TMEM201: variants seen among roughly 807,000 people sequenced by gnomAD.
The protein encoded by TMEM201 is RP13-15M17.2.
Under a neutral mutation model 63.4 loss-of-function variants are expected in TMEM201, and 26 were observed. That is an observed-to-expected ratio of 0.41 (90% CI 0.30 to 0.57). The LOEUF is 0.57. Among genes scored for constraint, TMEM201 ranks in the 20% least tolerant of loss-of-function variants. TMEM201 has a pLI of 0.29. For synonymous variants in TMEM201, 417 were observed against 421.6 expected (o/e 0.99, Z 0.14); for missense variants, 794 against 917.7 (o/e 0.87, Z 1.74).
At position 9,608,615 on chromosome 1, in the gene TMEM201, T is replaced by C. The variant is rs1489351384; in HGVS notation, c.1393+826T>C. Among the ~76,000 whole-genome samples, 1 of 152,214 alleles carries C rather than the reference T, an allele frequency of 6.6e-6. No homozygotes were observed. The highest frequency in any genetic ancestry group is 1.5e-5 in the Non-Finnish European group (1 of 68,042). On this transcript the variant is annotated intron_variant, in intron 7 of 10. Coordinates refer to ENST00000340381, the MANE Select transcript of TMEM201 (RefSeq NM_001130924.3). The surrounding 1 kb of genome is among the most constrained non-coding windows in gnomAD (Gnocchi z 4.3). ...GGGTGGGAGGTGCCAGGAGCAGCCC[T>C]GCCCTGGGCCTGAGCACTCCGAGTA...
chr1:9,592,239 G>C (rs1038581629), intron 1 of TMEM201, among the ~76,000 whole-genome samples: 4 of 152,198 alleles, frequency 2.6e-5, no homozygotes, highest in African/African-American at 9.7e-5. Context: ...AATGAAACAC[G>C]GTGTTGCCCA....
intron 8 of TMEM201, 85 bp downstream of exon 8, chr1:9,609,996 G>A: frequency 2.3e-6 from 3 of 1,328,396 alleles, no homozygotes; most frequent in Non-Finnish European, 3.2e-6. Flanking sequence ...TGAGCTTTGG[G>A]GTCAGACAGA....
In TMEM201 at chr1:9,596,891, G is replaced by A. The variant is rs1644032227; in HGVS notation, c.267G>A (p.Gln89=). 2 of 1,604,278 alleles carry A rather than the reference G, an allele frequency of 1.2e-6. No homozygotes were observed. Among genetic ancestry groups the A allele is most frequent in the Non-Finnish European group, 1.7e-6 (2 of 1,172,824 alleles). ...NGDYNKPIPA[Q]YLEHLNHVVS... ...ACTACAACAAGCCGATCCCCGCCCAGTACTTGGAGCACCTGAACCACGTGG... is the reference window on the plus strand; with the variant it reads ...ACTACAACAAGCCGATCCCCGCCCAATACTTGGAGCACCTGAACCACGTGG... The change falls in exon 3 of 11, where the codon CAG becomes CAA. Residue 89 remains glutamine, a synonymous_variant. Coordinates refer to ENST00000340381, the MANE Select transcript of TMEM201 (RefSeq NM_001130924.3).
rs527803463 is a variant in TMEM201, at chr1:9,591,586, G to A, written c.113+2543G>A. Among the ~76,000 whole-genome samples the A allele has an allele frequency of 5.3e-5, 8 of 152,360 alleles. 1 individual carries two copies. In the East Asian group the frequency reaches 1.2e-3, roughly 22 times the overall value. On this transcript the variant is annotated intron_variant, in intron 1 of 10. Coordinates refer to ENST00000340381, the MANE Select transcript of TMEM201 (RefSeq NM_001130924.3). The stretch of plus-strand genomic sequence containing the variant: ...CCTCTTCAAACGATGCCCAGGATCC[G>A]TGCTCTGCCAGCACATCCCTGCACA...
At chr1:9,600,852 A>G (rs556144434) in intron 4 of TMEM201, among the ~76,000 whole-genome samples, 1 of 152,298 alleles carries the variant, frequency 6.6e-6, no homozygotes, top group East Asian at 1.9e-4. Flanking sequence ...CCCAGGAGGA[A>G]GAGGTTGCAG....
intron 9 of TMEM201, 145 bp from the exon 10 acceptor site, chr1:9,611,608 C>T (rs1469605863): frequency 4.9e-6 from 5 of 1,014,226 alleles, no homozygotes; most frequent in Non-Finnish European, 1.5e-6. Context: ...ACCTGGCCCC[C>T]CACTGTCCAG....
intron 9 of TMEM201, chr1:9,611,179 C>G (rs1644319027): frequency 1.5e-6 from 1 of 661,552 alleles, no homozygotes; most frequent in Non-Finnish European, 2.2e-6. Context: ...TTTCAACTTT[C>G]ACATGAATTT....
chr1:9,603,722 G>T lies in TMEM201; in HGVS notation c.1160+1450G>T, dbSNP rs1644191418. 1.0e-6 allele frequency: 1 copy of T among 985,436 alleles called. No individual in the cohort carries two copies. The highest frequency in any genetic ancestry group is 1.2e-6 in the Non-Finnish European group (1 of 829,934). 61.0% of individuals were successfully genotyped at this position (985,436 alleles called of 1,614,324 possible). ...GCCACGCCTGGGGGTCCTAGAGGCT[G>T]CCCCACCCCAGTGATTGGGTAGCAG... On this transcript the variant is annotated intron_variant, in intron 6 of 10. Coordinates refer to ENST00000340381, the MANE Select transcript of TMEM201 (RefSeq NM_001130924.3). This position sits in a 1 kb window ranked among gnomAD's most constrained non-coding sequence, Gnocchi z 4.5.
chr1:9,609,061 G>A (rs982928019), intron 7 of TMEM201, among the ~76,000 whole-genome samples: 2 of 152,188 alleles, frequency 1.3e-5, no homozygotes, highest in African/African-American at 2.4e-5. Flanking sequence ...TCCTCAGTCC[G>A]CTTCTCTGCC....
In TMEM201 at chr1:9,603,323, G is replaced by C; in HGVS notation, c.1160+1051G>C. On this transcript the variant is annotated intron_variant, in intron 6 of 10. Transcript: ENST00000340381. This position sits in a 1 kb window ranked among gnomAD's most constrained non-coding sequence, Gnocchi z 4.5. Reference sequence around the variant, plus strand: ...TCCATAGCCCTTGGGTGCCAGCTCAGTGGGTGTGGGGATCACATGAGGTGG... The same window carrying C: ...TCCATAGCCCTTGGGTGCCAGCTCACTGGGTGTGGGGATCACATGAGGTGG... 1 of 985,058 alleles carries C rather than the reference G, an allele frequency of 1.0e-6. No homozygotes were observed. The highest frequency in any genetic ancestry group is 1.2e-6 in the Non-Finnish European group (1 of 829,574). The allele number at this position is 985,058 out of a possible 1,614,324, so 61.0% of individuals were successfully genotyped here. A position where few individuals can be genotyped will look rare whatever the true frequency, so the allele number is the denominator to read the frequency against.
Position 9,613,224 on chromosome 1 carries a change from A to AGT in TMEM201, c.*142_*143insTG. 1.4e-6 allele frequency: 1 copy of AGT among 737,864 alleles called. No homozygotes were observed. Among genetic ancestry groups the AGT allele is most frequent in the Non-Finnish European group, 2.2e-6 (1 of 445,880 alleles). 45.7% of individuals were successfully genotyped at this position (737,864 alleles called of 1,614,324 possible). A position where few individuals can be genotyped will look rare whatever the true frequency, so the allele number is the denominator to read the frequency against. ...ACCTCACTGGACTGTGACTGTCCTC[A>AGT]GGACACCTGCCCCTCCTCACCTAAC... On this transcript the variant is annotated 3_prime_UTR_variant, in exon 11 of 11. Coordinates refer to ENST00000340381, the MANE Select transcript of TMEM201 (RefSeq NM_001130924.3).
At chr1:9,591,807 C>G (rs1392146626) in intron 1 of TMEM201, among the ~76,000 whole-genome samples, 2 of 152,250 alleles carry the variant, frequency 1.3e-5, no homozygotes. Flanking sequence ...TGCGCACTCT[C>G]CCTGAGCAAC....
intron 2 of TMEM201, among the ~76,000 whole-genome samples, chr1:9,596,606 T>C (rs1442224069): frequency 6.6e-6 from 1 of 152,138 alleles, no homozygotes; most frequent in Non-Finnish European, 1.5e-5. Context: ...TAGAGGTGTG[T>C]GGGTGGGCGG....
At chr1:9,589,988 C>T (rs542676529) in intron 1 of TMEM201, among the ~76,000 whole-genome samples, 1 of 152,354 alleles carries the variant, frequency 6.6e-6, no homozygotes, top group East Asian at 1.9e-4. Flanking sequence ...TCTGTTTGTT[C>T]TTCCTTAACA....
chr1:9,601,109 T>C lies in TMEM201; in HGVS notation c.611T>C (p.Phe204Ser). The C allele has an allele frequency of 6.3e-7, 1 of 1,584,000 alleles. No homozygotes were observed. The highest frequency in any genetic ancestry group is 8.6e-7 in the Non-Finnish European group (1 of 1,159,128). The change falls in exon 5 of 11, where the codon TTC becomes TCC. Residue 204 changes from phenylalanine to serine, a missense_variant. Coordinates refer to ENST00000340381, the MANE Select transcript of TMEM201 (RefSeq NM_001130924.3). ...GCCTCTCTTCCTCCTTTGCAGAACTTCTCCTCCGCCGTGAAGTCCCCGGTC... is the reference window on the plus strand; with the variant it reads ...GCCTCTCTTCCTCCTTTGCAGAACTCCTCCTCCGCCGTGAAGTCCCCGGTC... ...READQTHAQN[F>S]SSAVKSPVQV...
Position 9,598,576 on chromosome 1 carries a change from T to G in TMEM201, c.557T>G (p.Leu186Trp). Residue 186 changes from leucine (L) to tryptophan (W), a missense_variant, in exon 4 of 11, where the codon TTG becomes TGG. Coordinates refer to ENST00000340381, the MANE Select transcript of TMEM201 (RefSeq NM_001130924.3). ...KHQNRQLRAL[L>W]LSHQFKRREA... ...CAGAACCGCCAGCTGCGCGCCCTGT[T>G]GCTCAGCCACCAGTTCAAGCGCCGG... The G allele has an allele frequency of 6.2e-7, 1 of 1,613,582 alleles. No homozygotes were observed. Among genetic ancestry groups the G allele is most frequent in the Non-Finnish European group, 8.5e-7 (1 of 1,179,998 alleles).
rs915191544 is a variant in TMEM201, at chr1:9,609,514, G to A, written c.1394-326G>A. On this transcript the variant is annotated intron_variant, in intron 7 of 10. Coordinates refer to ENST00000340381, the MANE Select transcript of TMEM201 (RefSeq NM_001130924.3). The stretch of plus-strand genomic sequence containing the variant: ...GAACGAGGAGTGGACAATATGCCCA[G>A]TGCCGACTCTTCTCACCACCTGCTG... 2.0e-5 allele frequency among the ~76,000 whole-genome samples: 3 copies of A among 152,298 alleles called. 1 individual carries two copies. The South Asian group carries it at 6.2e-4, about 32-fold the overall frequency.
intron 1 of TMEM201, 100 bp downstream of exon 1, chr1:9,589,143 T>A: frequency 6.7e-6 from 3 of 449,446 alleles, no homozygotes; most frequent in Non-Finnish European, 8.8e-6. Context: ...GGACCCGGGC[T>A]GCCCGCGGGC....
In TMEM201 at chr1:9,612,192, T is replaced by C. The variant is rs367766933; in HGVS notation, c.1903+302T>C. ...TTGAAATGTAGTTCTTGAGCTGCAC[T>C]AGCCACATTTCAAGTGCTCAGTAGG... On this transcript the variant is annotated intron_variant, in intron 10 of 10. Coordinates refer to ENST00000340381, the MANE Select transcript of TMEM201 (RefSeq NM_001130924.3). 1.5e-3 allele frequency among the ~76,000 whole-genome samples: 229 copies of C among 152,376 alleles called. 5 individuals carry two copies. In the South Asian group the frequency reaches 0.046, roughly 30 times the overall value.
Sources: allele counts gnomAD v4.1 joint callset (sites outside exome capture counted in the v4.1 genomes callset), GRCh38; gene constraint gnomAD v4.1.1; non-coding constraint Gnocchi (gnomAD v3.1); transcripts MANE v1.5; gene names NCBI Gene and HGNC (gene_info 2026-07-23, HGNC 2026-07-21).